Variants in AHNAK observed in about 807,000 individuals in gnomAD.
AHNAK encodes the protein AHNAK nucleoprotein.
Under a neutral mutation model 37.8 loss-of-function variants are expected in AHNAK, and 23 were observed. That is an observed-to-expected ratio of 0.61 (90% CI 0.44 to 0.86). AHNAK has a LOEUF of 0.86. Ranked by LOEUF, AHNAK falls within the 40% of genes least tolerant of loss-of-function variation. The probability of loss-of-function intolerance (pLI) is 0.00; values close to 1 mark genes in which losing one functional copy is unlikely to be tolerated. For synonymous variants in AHNAK, 2,481 were observed against 2,636.3 expected, an observed-to-expected ratio of 0.94 and a Z score of 1.80; for missense variants, 7,411 against 7,319.4, an observed-to-expected ratio of 1.01 and a Z score of -0.46.
At chr11:62,486,020 C>CAAAA (rs139783265) in intron 5 of AHNAK, among the ~76,000 whole-genome samples, 1 of 68,380 alleles carries the variant, frequency 1.5e-5, no homozygotes, top group African/African-American at 5.6e-5. Flanking sequence ...GACTTTGTCT[C>CAAAA]AAAAAAAAAA....
At chr11:62,457,637 A>G (rs1938688739) in intron 5 of AHNAK, among the ~76,000 whole-genome samples, 1 of 152,126 alleles carries the variant, frequency 6.6e-6, no homozygotes, top group Non-Finnish European at 1.5e-5. Flanking sequence ...TCAAAAACAA[A>G]AAAAAAGGAA....
At chr11:62,490,206 T>C (rs1202603203) in intron 5 of AHNAK, among the ~76,000 whole-genome samples, 21 of 141,724 alleles carry the variant, frequency 1.5e-4, no homozygotes, top group Middle Eastern at 3.6e-3. Flanking sequence ...TCTTTTTTTT[T>C]TTTTTTTTTT....
chr11:62,499,347 G>A (rs1335669417), intron 4 of AHNAK, among the ~76,000 whole-genome samples: 1 of 152,046 alleles, frequency 6.6e-6, no homozygotes, highest in African/African-American at 2.4e-5. Context: ...TCGGGAGTTC[G>A]AGACCAGCCT....
Position 62,519,544 on chromosome 11 carries a change from A to G in AHNAK, c.14873T>C (p.Met4958Thr), listed in dbSNP as rs762785114. Residue 4958 changes from methionine to threonine, a missense_variant, in exon 5 of 5, where the codon ATG (methionine) becomes ACG (threonine). Physicochemically the swap from Met to Thr is moderately conservative, Grantham distance 81. Transcript: ENST00000378024. ...TTCGATGTTAATATCTGGGCTGTCC[A>G]TGTGTACATCTAAGCTTGGAGCTTC... ...KVEAPSLDVH[M>T]DSPDINIEGP... The G allele has an allele frequency of 2.5e-6, 4 of 1,612,190 alleles. No individual in the cohort carries two copies. In the East Asian group the frequency reaches 8.9e-5, roughly 36 times the overall value.
chr11:62,466,335 G>A (rs1396680147), intron 5 of AHNAK, among the ~76,000 whole-genome samples: 1 of 151,972 alleles, frequency 6.6e-6, no homozygotes, highest in African/African-American at 2.4e-5. Flanking sequence ...AAAAATTTTT[G>A]TTTTTAATTA....
At chr11:62,447,017 C>T (rs1283365729) in intron 5 of AHNAK, among the ~76,000 whole-genome samples, 1 of 152,016 alleles carries the variant, frequency 6.6e-6, no homozygotes, top group Non-Finnish European at 1.5e-5. Context: ...AGCACCCCCT[C>T]CCCTGCCAAA....
intron 4 of AHNAK, among the ~76,000 whole-genome samples, chr11:62,506,000 C>A (rs1197820569): frequency 7.0e-6 from 1 of 142,316 alleles, no homozygotes; most frequent in Non-Finnish European, 1.5e-5. Flanking sequence ...ATAGCAAGAC[C>A]CCCTGTCTCT....
At chr11:62,456,675 C>T (rs1938666351) in intron 5 of AHNAK, among the ~76,000 whole-genome samples, 1 of 152,138 alleles carries the variant, frequency 6.6e-6, no homozygotes, top group African/African-American at 2.4e-5. Flanking sequence ...ACCCCACGAG[C>T]CCATCAACTT....
Position 62,517,994 on chromosome 11 carries a change from T to G in AHNAK, c.16423A>C (p.Thr5475Pro). The change falls in exon 5 of 5, where the codon ACT (threonine) becomes CCT (proline). Residue 5475 changes from threonine to proline, a missense_variant. Physicochemically the swap from Thr to Pro is conservative, Grantham distance 38. Transcript: ENST00000378024. The part of the protein sequence containing the change: ...LGATGEIKGP[T>P]VGGGLPGIGV... ...ATGCCTGGAAGACCTCCTCCGACAG[T>G]GGGGCCTTTGATCTCACCAGTGGCC... 1 of 1,614,198 alleles carries G rather than the reference T, an allele frequency of 6.2e-7. No individual in the cohort carries two copies. Among genetic ancestry groups the G allele is most frequent in the Non-Finnish European group, 8.5e-7 (1 of 1,180,042 alleles).
At position 62,533,274 on chromosome 11, in the gene AHNAK, C is replaced by T. The variant is rs777080508; in HGVS notation, c.1143G>A (p.Glu381=). 2.0e-6 allele frequency: 3 copies of T among 1,528,668 alleles called. No homozygotes were observed. The highest frequency in any genetic ancestry group is 1.8e-6 in the Non-Finnish European group (2 of 1,142,608). The allele number at this position is 1,528,668 out of a possible 1,614,324, so 94.7% of individuals were successfully genotyped here. A position where few individuals can be genotyped will look rare whatever the true frequency, so the allele number is the denominator to read the frequency against. The change falls in exon 5 of 5, where the codon GAG becomes GAA. Residue 381 remains glutamate, a synonymous_variant. Coordinates refer to ENST00000378024, the MANE Select transcript of AHNAK (RefSeq NM_001620.3). ...KGPQITGPSL[E]GDLGLKGAKP... ...TGGCACCTTTCAGGCCTAGGTCACC[C>T]TCAAGTGATGGCCCAGTGATTTGGG... is the stretch of plus-strand genomic sequence containing the variant.
Position 62,523,535 on chromosome 11 carries a change from T to C in AHNAK, c.10882A>G (p.Lys3628Glu), listed in dbSNP as rs144411501. 1 of 1,613,896 alleles carries C rather than the reference T, an allele frequency of 6.2e-7. No individual in the cohort carries two copies. The highest frequency in any genetic ancestry group is 1.3e-5 in the African/African-American group (1 of 74,862). ...EGPEVDVTLPKADIDISGPNV... is the reference protein window; with the variant it reads ...EGPEVDVTLPEADIDISGPNV... ...GGACCAGAAATGTCAATGTCAGCTT[T>C]AGGGAGGGTAACATCGACTTCAGGG... Residue 3628 changes from lysine (K) to glutamate (E), a missense_variant, in exon 5 of 5, where the codon AAA (lysine) becomes GAA (glutamate). By Grantham distance (56) the Lys-to-Glu change is moderately conservative. Coordinates refer to ENST00000378024, the MANE Select transcript of AHNAK (RefSeq NM_001620.3).
chr11:62,519,502 A>AT lies in AHNAK; in HGVS notation c.14914dup (p.Ile4972AsnfsTer5). ...AAACTTGGGTTTCTTAAATTTGGGG[A>AT]TTTTAACATCTGGCCCTTCGATGTT... On this transcript the variant is annotated frameshift_variant, in exon 5 of 5. Transcript: ENST00000378024. LOFTEE classifies it low-confidence loss of function (END_TRUNC). 6.2e-7 allele frequency: 1 copy of AT among 1,613,146 alleles called. No homozygotes were observed. Among genetic ancestry groups the AT allele is most frequent in the Non-Finnish European group, 8.5e-7 (1 of 1,179,752 alleles).
chr11:62,509,746 G>A (rs1040524569), intron 4 of AHNAK, among the ~76,000 whole-genome samples: 1 of 151,910 alleles, frequency 6.6e-6, no homozygotes, highest in Non-Finnish European at 1.5e-5. Flanking sequence ...GCGAAACCCC[G>A]TCTCTACTAA....
chr11:62,537,065 T>TGCCTCAGCCTCCC (rs1940973422), intron 1 of AHNAK, among the ~76,000 whole-genome samples: 1 of 151,604 alleles, frequency 6.6e-6, no homozygotes, highest in African/African-American at 2.4e-5. Flanking sequence ...GCCAGTCTCC[T>TGCCTCAGCCTCCC]GCCTCAGCCT....
chr11:62,473,682 C>G (rs1939086512), intron 5 of AHNAK, among the ~76,000 whole-genome samples: 1 of 11,976 alleles, frequency 8.4e-5, no homozygotes, highest in Admixed American at 1.3e-3. Flanking sequence ...AAGACTCCGT[C>G]TCAAAAAAAA....
Position 62,530,237 on chromosome 11 carries a change from C to T in AHNAK, c.4180G>A (p.Gly1394Ser), listed in dbSNP as rs767542353. 1.4e-5 allele frequency: 23 copies of T among 1,612,446 alleles called. No individual in the cohort carries two copies. The highest frequency in any genetic ancestry group is 1.3e-4 in the East Asian group (6 of 44,780). Reference sequence around the variant, plus strand: ...ACTTCAGGGCCCTCTCCTTTGAAGCCGGGCATGCTGAACTTGGGCATTTTC... The same window carrying T: ...ACTTCAGGGCCCTCTCCTTTGAAGCTGGGCATGCTGAACTTGGGCATTTTC... ...KVKMPKFSMP[G>S]FKGEGPEVDV... Residue 1394 changes from glycine to serine, a missense_variant, in exon 5 of 5, where the codon GGC (glycine) becomes AGC (serine). Physicochemically the swap from Gly to Ser is moderately conservative, Grantham distance 56. Transcript: ENST00000378024.
Position 62,521,454 on chromosome 11 carries a change from C to A in AHNAK, c.12963G>T (p.Met4321Ile), listed in dbSNP as rs1197752982. 1 of 1,613,436 alleles carries A rather than the reference C, an allele frequency of 6.2e-7. No homozygotes were observed. The highest frequency in any genetic ancestry group is 1.3e-5 in the African/African-American group (1 of 74,764). The change falls in exon 5 of 5, where the codon ATG (methionine) becomes ATT (isoleucine). Residue 4321 changes from methionine (M) to isoleucine (I), a missense_variant. Physicochemically the swap from Met to Ile is conservative, Grantham distance 10. Coordinates refer to ENST00000378024, the MANE Select transcript of AHNAK (RefSeq NM_001620.3). The part of the protein sequence containing the change: ...DWHLKMPKVK[M>I]PKFSMPGFKG... ...TGAATCCTGGCATGCTGAATTTGGG[C>A]ATTTTCACCTTGGGCATCTTCAGGT... is the stretch of plus-strand genomic sequence containing the variant.
chr11:62,448,932 G>A (rs1343611631), intron 5 of AHNAK, among the ~76,000 whole-genome samples: 1 of 152,098 alleles, frequency 6.6e-6, no homozygotes, highest in Admixed American at 6.6e-5. Flanking sequence ...GCCAGGCGTG[G>A]TGGTGGGCAC....
Position 62,527,955 on chromosome 11 carries a change from C to T in AHNAK, c.6462G>A (p.Glu2154=). Residue 2154 remains glutamate (E), a synonymous_variant, in exon 5 of 5, where the codon GAG becomes GAA. Coordinates refer to ENST00000378024, the MANE Select transcript of AHNAK (RefSeq NM_001620.3). ...GACACTCCAGCTCAACATCAGGCAC[C>T]TCCACATCCACACTGGGGCCTGTTA... The part of the protein sequence containing the change: ...GDLTGPSVDV[E]VPDVELECPD... The T allele has an allele frequency of 6.2e-7, 1 of 1,610,630 alleles. No individual in the cohort carries two copies. The highest frequency in any genetic ancestry group is 1.1e-5 in the South Asian group (1 of 90,922).
Sources: allele counts gnomAD v4.1 joint callset (sites outside exome capture counted in the v4.1 genomes callset), GRCh38; gene constraint gnomAD v4.1.1; transcripts MANE v1.5; gene names NCBI Gene and HGNC (gene_info 2026-07-23, HGNC 2026-07-21).